Variants in LTBP1 observed in about 807,000 individuals in gnomAD.
The protein encoded by LTBP1 is latent transforming growth factor beta binding protein 1.
A neutral mutation model predicts 207.6 loss-of-function variants in LTBP1; 129 were observed. The ratio of observed to expected loss-of-function variants is 0.62; its 90% confidence interval spans 0.54 to 0.72. LTBP1 has a LOEUF of 0.72. Ranked by LOEUF, LTBP1 falls within the 30% of genes least tolerant of loss-of-function variation. LTBP1 has a pLI of 0.00. For missense variants in LTBP1, 2,281 were observed against 2,217.2 expected (o/e 1.03, Z -0.58); for synonymous variants, 963 against 833.7 (o/e 1.16, Z -2.67).
chr2:33,357,932 G>A (rs951681461), intron 26 of LTBP1, among the ~76,000 whole-genome samples: 1 of 152,118 alleles, frequency 6.6e-6, no homozygotes, highest in African/African-American at 2.4e-5. Flanking sequence ...ACCCCTGGCA[G>A]CAATGAACTA....
At chr2:33,131,514 A>G (rs1270230527) in intron 4 of LTBP1, among the ~76,000 whole-genome samples, 1 of 152,248 alleles carries the variant, frequency 6.6e-6, no homozygotes, top group Non-Finnish European at 1.5e-5. Flanking sequence ...AGATCCTGTT[A>G]GAGCTCTGGA....
chr2:33,061,499 C>T (rs1036863467), intron 3 of LTBP1: 7 of 152,124 alleles, frequency 4.6e-5, no homozygotes, highest in Non-Finnish European at 8.8e-5. Flanking sequence ...GAGACAACCA[C>T]TCTTCTGATT....
chr2:33,188,551 C>A (rs376880855), intron 6 of LTBP1, 26 bp from the exon 7 acceptor site: 28 of 1,586,304 alleles, frequency 1.8e-5, no homozygotes, highest in African/African-American at 1.1e-4. Flanking sequence ...TCAGGACTAA[C>A]AAGTTTTCCT....
chr2:33,170,946 G>C (rs569315341), intron 5 of LTBP1, among the ~76,000 whole-genome samples: 1 of 152,240 alleles, frequency 6.6e-6, no homozygotes, highest in South Asian at 2.1e-4. Flanking sequence ...CTGCAGCTGA[G>C]GGTCCTGTCT....
intron 15 of LTBP1, among the ~76,000 whole-genome samples, chr2:33,268,575 A>G (rs972547859): frequency 1.3e-5 from 2 of 152,252 alleles, no homozygotes; most frequent in Non-Finnish European, 2.9e-5. Context: ...GGCTCGCAAC[A>G]TTATTGGCAT....
chr2:33,156,835 C>G (rs185405274), intron 5 of LTBP1, among the ~76,000 whole-genome samples: 18 of 152,154 alleles, frequency 1.2e-4, no homozygotes, highest in Admixed American at 2.0e-4. Flanking sequence ...CCTAGTACTT[C>G]AATATTTTTA....
At chr2:33,135,023 T>C in intron 5 of LTBP1, 63 bp downstream of exon 5, 1 of 1,478,308 alleles carries the variant, frequency 6.8e-7, no homozygotes, top group Admixed American at 2.3e-5. Context: ...TTGTAGCATT[T>C]AGACACCCCC....
intron 8 of LTBP1, among the ~76,000 whole-genome samples, chr2:33,221,513 T>A (rs1359765291): frequency 2.0e-5 from 3 of 152,226 alleles, no homozygotes; most frequent in African/African-American, 7.2e-5. Flanking sequence ...GTAGCCCTTT[T>A]AATTTCCTGA....
chr2:33,312,957 A>G lies in LTBP1; in HGVS notation c.3605-2187A>G, dbSNP rs555358174. Among the ~76,000 whole-genome samples the G allele has an allele frequency of 4.6e-5, 7 of 152,296 alleles. No homozygotes were observed. The South Asian group carries it at 1.5e-3, about 32-fold the overall frequency. On this transcript the variant is annotated intron_variant, in intron 23 of 33. Transcript: ENST00000404816. ...AACTTCATGCCACCTTCTTCCTCAG[A>G]TAGAGGTAATTCTTGGGCAGCAGGT...
At chr2:33,089,928 C>A (rs1352715892) in intron 3 of LTBP1, among the ~76,000 whole-genome samples, 1 of 152,190 alleles carries the variant, frequency 6.6e-6, no homozygotes, top group East Asian at 1.9e-4. Context: ...AACAGCCACA[C>A]AAGAATGGAA....
chr2:33,033,952 C>G (rs1389178885), intron 3 of LTBP1, among the ~76,000 whole-genome samples: 2 of 152,204 alleles, frequency 1.3e-5, no homozygotes, highest in East Asian at 3.9e-4. Context: ...AGACTGTTTG[C>G]CATATAAGCC....
intron 4 of LTBP1, among the ~76,000 whole-genome samples, chr2:33,130,957 G>A (rs938303584): frequency 1.3e-5 from 2 of 152,146 alleles, no homozygotes; most frequent in African/African-American, 2.4e-5. Context: ...GTTAACTCCT[G>A]ACTGGCCTGA....
At chr2:32,949,205 G>T (rs1201992637) in intron 2 of LTBP1, among the ~76,000 whole-genome samples, 1 of 152,196 alleles carries the variant, frequency 6.6e-6, no homozygotes, top group Admixed American at 6.5e-5. Context: ...CATCATTCTG[G>T]CACATCTGTG....
At chr2:33,047,651 T>A (rs2076513492) in intron 3 of LTBP1, among the ~76,000 whole-genome samples, 1 of 152,176 alleles carries the variant, frequency 6.6e-6, no homozygotes, top group Non-Finnish European at 1.5e-5. Flanking sequence ...CAGAGCTGAG[T>A]TCAAGTCCTG....
intron 9 of LTBP1, among the ~76,000 whole-genome samples, chr2:33,237,438 C>T (rs562907420): frequency 1.3e-5 from 2 of 152,208 alleles, no homozygotes; most frequent in African/African-American, 4.8e-5. Context: ...TTTTCTTAAT[C>T]TCCTAGAATA....
At position 32,947,403 on chromosome 2, in the gene LTBP1, A is replaced by T. The variant is rs1319131474; in HGVS notation, c.79A>T (p.Arg27Trp). The stretch of plus-strand genomic sequence containing the variant: ...GTCCTCGGCGCACGGCCGGCTGCGG[A>T]GGATCACCTACGTGGTGCACCCGGG... Reference protein sequence around the residue: ...LASSAHGRLRRITYVVHPGPG... With the variant: ...LASSAHGRLRWITYVVHPGPG... The change falls in exon 1 of 34, where the codon AGG (arginine) becomes TGG (tryptophan). Residue 27 changes from arginine to tryptophan, a missense_variant. Physicochemically the swap from Arg to Trp is moderately radical, Grantham distance 101. Around this residue, in one of 3 missense-constraint regions of LTBP1, gnomAD observed 555 missense variants for 491.0 expected, o/e 1.13. Coordinates refer to ENST00000404816, the MANE Select transcript of LTBP1 (RefSeq NM_206943.4). The T allele has an allele frequency of 6.4e-6, 9 of 1,415,772 alleles. No homozygotes were observed. The African/African-American group carries it at 1.3e-4, about 21-fold the overall frequency. 87.7% of individuals were successfully genotyped at this position (1,415,772 alleles called of 1,614,324 possible). A position where few individuals can be genotyped will look rare whatever the true frequency, so the allele number is the denominator to read the frequency against.
At chr2:33,296,944 A>G (rs2093888644) in intron 20 of LTBP1, among the ~76,000 whole-genome samples, 1 of 152,202 alleles carries the variant, frequency 6.6e-6, no homozygotes, top group African/African-American at 2.4e-5. Context: ...GAGTTAAAGC[A>G]GGGGCAGAGC....
intron 26 of LTBP1, among the ~76,000 whole-genome samples, chr2:33,348,554 C>CA (rs2094735715): frequency 2.6e-5 from 4 of 151,776 alleles, no homozygotes; most frequent in Admixed American, 1.3e-4. Flanking sequence ...AAAAACAAAC[C>CA]AAAAAACAAA....
At chr2:33,290,740 A>C (rs116278975) in intron 19 of LTBP1, among the ~76,000 whole-genome samples, 4 of 152,166 alleles carry the variant, frequency 2.6e-5, no homozygotes, top group Admixed American at 6.5e-5. Context: ...TGAGTAGATA[A>C]TGGTACTAGA....
Sources: allele counts gnomAD v4.1 joint callset (sites outside exome capture counted in the v4.1 genomes callset), GRCh38; gene constraint gnomAD v4.1.1; regional missense constraint gnomAD v4.1.1; transcripts MANE v1.5; gene names NCBI Gene and HGNC (gene_info 2026-07-23, HGNC 2026-07-21).